Variants in SGCD observed in about 807,000 individuals in gnomAD.
The protein encoded by SGCD is sarcoglycan delta, also known as delta-sarcoglycan.
SGCD carries 18 observed loss-of-function variants against 36.6 expected under a neutral mutation model. The ratio of observed to expected loss-of-function variants is 0.49; its 90% CI spans 0.34 to 0.73. The LOEUF (loss-of-function observed/expected upper bound fraction) is 0.73, where lower values mean the gene tolerates loss of function less well. Ranked by LOEUF, SGCD falls within the 30% of genes least tolerant of loss-of-function variation. The pLI, the probability that SGCD is intolerant of heterozygous loss-of-function variation, is 0.01. For synonymous variants in SGCD, 133 were observed against 130.6 expected (o/e 1.02, Z -0.12); for missense variants, 387 against 346.7 (o/e 1.12, Z -0.92).
intron 4 of SGCD, among the ~76,000 whole-genome samples, chr5:156,518,161 G>A (rs256831): frequency 0.16 from 24,125 of 151,984 alleles, 2,208 homozygotes; most frequent in Non-Finnish European, 0.2. Context: ...CAAGCAAATG[G>A]AAAAACAGAA....
At chr5:156,202,104 T>C (rs1764165835) in intron 3 of SGCD, among the ~76,000 whole-genome samples, 1 of 152,202 alleles carries the variant, frequency 6.6e-6, no homozygotes, top group Non-Finnish European at 1.5e-5. Context: ...AATACTCTGG[T>C]TGCCTCTTTG....
intron 1 of SGCD, among the ~76,000 whole-genome samples, chr5:155,937,136 C>A (rs376347850): frequency 2.0e-5 from 3 of 152,162 alleles, no homozygotes; most frequent in East Asian, 1.9e-4. Context: ...CTGCTCCCAG[C>A]CCCAAAGAGC....
At chr5:156,346,304 A>G (rs752932906) in intron 3 of SGCD, among the ~76,000 whole-genome samples, 1 of 152,140 alleles carries the variant, frequency 6.6e-6, no homozygotes, top group Non-Finnish European at 1.5e-5. Flanking sequence ...TTATATATGT[A>G]TTTATTTATG....
chr5:156,487,157 G>T (rs1434523849), intron 3 of SGCD, among the ~76,000 whole-genome samples: 1 of 152,166 alleles, frequency 6.6e-6, no homozygotes, highest in Non-Finnish European at 1.5e-5. Context: ...GTGCAACTGG[G>T]ATCCCTGTCT....
Position 156,052,734 on chromosome 5 carries a change from G to A in SGCD, c.-281-65144G>A, listed in dbSNP as rs116872997. Among the ~76,000 whole-genome samples, 54 of 145,986 alleles carry A rather than the reference G, an allele frequency of 3.7e-4. No individual in the cohort carries two copies. In the East Asian group the frequency reaches 9.9e-3, roughly 27 times the overall value. ...GAGTAAAAAAAAAAGTGCCATTAAAGGTACTAAAGTGTAAAACTGTTTGCT... is the reference window on the plus strand; with the variant it reads ...GAGTAAAAAAAAAAGTGCCATTAAAAGTACTAAAGTGTAAAACTGTTTGCT... On this transcript the variant is annotated intron_variant, in intron 1 of 9. Transcript: ENST00000517913.
intron 6 of SGCD, among the ~76,000 whole-genome samples, chr5:156,609,423 C>T (rs1287963626): frequency 6.6e-6 from 1 of 152,228 alleles, no homozygotes; most frequent in Non-Finnish European, 1.5e-5. Context: ...GGCTGTTAGT[C>T]TGATGGGCTT....
intron 7 of SGCD, among the ~76,000 whole-genome samples, chr5:156,673,371 A>C (rs1753381307): frequency 6.6e-6 from 1 of 152,214 alleles, no homozygotes; most frequent in African/African-American, 2.4e-5. Context: ...TGCAATAGTC[A>C]CGCTTCAGCA....
At position 156,689,802 on chromosome 5, in the gene SGCD, A is replaced by T. The variant is rs112360307; in HGVS notation, c.575+42266A>T. ...AAGATTAAAGATAAGAGAGAATTCAAATCAGTTCTGTGTCTTAAGCCCTGG... is the reference window on the plus strand; with the variant it reads ...AAGATTAAAGATAAGAGAGAATTCATATCAGTTCTGTGTCTTAAGCCCTGG... On this transcript the variant is annotated intron_variant, in intron 7 of 8. Transcript: ENST00000337851. Among the ~76,000 whole-genome samples, 397 of 152,316 alleles carry T rather than the reference A, an allele frequency of 2.6e-3. 1 individual carries two copies. The highest frequency in any genetic ancestry group is 9.1e-3 in the African/African-American group (378 of 41,586).
At chr5:156,444,214 TTA>T (rs1753662546) in intron 3 of SGCD, among the ~76,000 whole-genome samples, 3 of 140,820 alleles carry the variant, frequency 2.1e-5, no homozygotes, top group African/African-American at 8.1e-5. Flanking sequence ...CTCCTTCCTT[TTA>T]TCTCTCTCTC....
chr5:156,501,662 G>A (rs1480025248), intron 3 of SGCD, among the ~76,000 whole-genome samples: 2 of 152,194 alleles, frequency 1.3e-5, no homozygotes, highest in Admixed American at 6.5e-5. Context: ...GGGCTTAGGG[G>A]AGACTCTAAA....
intron 3 of SGCD, among the ~76,000 whole-genome samples, chr5:156,419,218 C>G (rs1017938288): frequency 2.5e-4 from 38 of 152,126 alleles, no homozygotes; most frequent in African/African-American, 8.9e-4. Flanking sequence ...AACTAAAACA[C>G]AAGTAACAAT....
chr5:155,799,961 G>A, the SGCD span, among the ~76,000 whole-genome samples: 1 of 150,996 alleles, frequency 6.6e-6, no homozygotes, highest in Non-Finnish European at 1.5e-5. Flanking sequence ...TAGGACTACA[G>A]GCATGCAACA....
chr5:156,718,770 A>G (rs991785304), intron 7 of SGCD, among the ~76,000 whole-genome samples: 5 of 150,578 alleles, frequency 3.3e-5, no homozygotes, highest in African/African-American at 1.2e-4. Flanking sequence ...TGAGTTCAAG[A>G]CCAGCCTGGC....
chr5:155,800,008 GGGGT>G, the SGCD span, among the ~76,000 whole-genome samples: 1 of 151,436 alleles, frequency 6.6e-6, no homozygotes, highest in Non-Finnish European at 1.5e-5. Flanking sequence ...TAGTAGAGAT[GGGGT>G]TTCACCATGT....
chr5:156,368,937 A>T (rs1393471327), intron 3 of SGCD, among the ~76,000 whole-genome samples: 1 of 152,222 alleles, frequency 6.6e-6, no homozygotes, highest in Admixed American at 6.5e-5. Flanking sequence ...AATGTAATGC[A>T]CTTGAATCAT....
At chr5:156,085,323 G>A (rs1385760702) in intron 1 of SGCD, among the ~76,000 whole-genome samples, 1 of 152,066 alleles carries the variant, frequency 6.6e-6, no homozygotes, top group Non-Finnish European at 1.5e-5. Context: ...TGGGTTATGG[G>A]GGACGATCCC....
intron 3 of SGCD, among the ~76,000 whole-genome samples, chr5:156,300,991 G>A (rs1299616804): frequency 1.3e-5 from 2 of 151,868 alleles, no homozygotes; most frequent in Admixed American, 1.3e-4. Context: ...TTCAATCTAT[G>A]TGTGTCTTTA....
chr5:155,866,604 A>G (rs567042122), upstream of SGCD, among the ~76,000 whole-genome samples: 5 of 152,328 alleles, frequency 3.3e-5, no homozygotes, highest in South Asian at 2.1e-4. Context: ...TGTAATGACT[A>G]CAGCTACAAC....
rs1263719069 is a variant in SGCD, at chr5:156,761,680, G to A, written c.*2290G>A. ...GCCATCTGAAGTTCATTAATCTTTA[G>A]ATGACAAAAAAGCAAAAAGTTCCCA... On this transcript the variant is annotated 3_prime_UTR_variant, in exon 9 of 9. Coordinates refer to ENST00000337851, the MANE Select transcript of SGCD (RefSeq NM_000337.6). The A allele has an allele frequency of 1.3e-5, 2 of 152,078 alleles. No homozygotes were observed. 9.4% of individuals were successfully genotyped at this position (152,078 alleles called of 1,614,324 possible).
Sources: gnomAD v4.1 joint callset for allele counts (sites outside exome capture counted in the v4.1 genomes callset) on GRCh38, gnomAD v4.1.1 for gene constraint, MANE v1.5 for transcripts, NCBI Gene and HGNC (gene_info 2026-07-23, HGNC 2026-07-21) for gene names.